The following NSD3 variants were observed in gnomAD, a reference collection of about 807,000 sequenced individuals.
NSD3 encodes nuclear receptor binding SET domain protein 3.
Under a neutral mutation model 160.8 loss-of-function variants are expected in NSD3, and 24 were observed. That is an observed-to-expected ratio of 0.15 (90% CI 0.11 to 0.21). The LOEUF (loss-of-function observed/expected upper bound fraction) is 0.21. Ranked by LOEUF, NSD3 falls within the 10% of genes least tolerant of loss-of-function variation. The probability of loss-of-function intolerance (pLI) is 1.00; values close to 1 mark genes in which losing one functional copy is unlikely to be tolerated. For synonymous variants in NSD3, 520 were observed against 600.0 expected (o/e 0.87, Z 1.95); for missense variants, 1,157 against 1,735.9 (o/e 0.67, Z 5.93).
intron 15 of NSD3, among the ~76,000 whole-genome samples, chr8:38,297,691 T>G (rs1251229852): frequency 6.6e-6 from 1 of 152,214 alleles, no homozygotes; most frequent in Non-Finnish European, 1.5e-5. Context: ...TCATCAAGAT[T>G]TTTTTTCTGG....
rs1808388370 is a variant in NSD3 at position 38,270,046 on chromosome 8, T to G, written c.*5595A>C. On this transcript the variant is annotated 3_prime_UTR_variant, in exon 24 of 24. Coordinates refer to ENST00000317025, the MANE Select transcript of NSD3 (RefSeq NM_023034.2). ...AGGCCAATCAACAAAATCCTCAAAA[T>G]ATTATATATCTTGAAGTCTATGTGG... 6.6e-6 allele frequency: 1 copy of G among 152,182 alleles called. No homozygotes were observed. Among genetic ancestry groups the G allele is most frequent in the South Asian group, 2.1e-4 (1 of 4,828 alleles). The allele number at this position is 152,182 out of a possible 1,614,324, so 9.4% of individuals were successfully genotyped here.
At chr8:38,341,579 G>A (rs749622010) in intron 2 of NSD3, among the ~76,000 whole-genome samples, 3 of 151,666 alleles carry the variant, frequency 2.0e-5, no homozygotes, top group Admixed American at 6.6e-5. Flanking sequence ...AGAATCAAAG[G>A]ACGAAGAATT....
intron 1 of NSD3, among the ~76,000 whole-genome samples, chr8:38,377,786 T>C (rs984541920): frequency 5.3e-5 from 8 of 151,890 alleles, no homozygotes; most frequent in Non-Finnish European, 8.8e-5. Flanking sequence ...ATACAAAAAT[T>C]AGCCGGCACG....
Position 38,304,526 on chromosome 8 carries a change from G to A in NSD3, c.2611+61C>T, listed in dbSNP as rs1809350209. On this transcript the variant is annotated intron_variant, in intron 14 of 23. Coordinates refer to ENST00000317025, the MANE Select transcript of NSD3 (RefSeq NM_023034.2). ...TTCTTTCCCAATGCTGAGACTCTAT[G>A]TTAATGGAGAAATATGCCAATGACC... The A allele has an allele frequency of 1.9e-6, 3 of 1,538,600 alleles. No homozygotes were observed. The South Asian group carries it at 3.7e-5, about 19-fold the overall frequency.
intron 11 of NSD3, among the ~76,000 whole-genome samples, 156 bp from the exon 12 acceptor site, chr8:38,314,929 C>T (rs1187925441): frequency 6.6e-6 from 1 of 152,206 alleles, no homozygotes; most frequent in African/African-American, 2.4e-5. Flanking sequence ...TAATATGTAT[C>T]CAGAAGATGC....
At chr8:38,337,619 TAGGTATAA>T (rs1265021260) in intron 3 of NSD3, 152 bp from the exon 4 acceptor site, 1 of 602,912 alleles carries the variant, frequency 1.7e-6, no homozygotes, top group Non-Finnish European at 2.5e-6. Context: ...AAAAAGAAAC[TAGGTATAA>T]AGTACATTAA....
intron 16 of NSD3, among the ~76,000 whole-genome samples, chr8:38,295,069 G>A (rs1489173490): frequency 6.7e-6 from 1 of 150,042 alleles, no homozygotes; most frequent in Non-Finnish European, 1.5e-5. Flanking sequence ...GCATGAACCC[G>A]GGAGCCGGAG....
At chr8:38,334,820 T>C (rs1203819765) in intron 4 of NSD3, among the ~76,000 whole-genome samples, 1 of 152,012 alleles carries the variant, frequency 6.6e-6, no homozygotes, top group African/African-American at 2.4e-5. Context: ...CAATAAAGTT[T>C]TTAAAACTAC....
intron 1 of NSD3, among the ~76,000 whole-genome samples, chr8:38,373,521 A>G (rs186560748): frequency 6.6e-6 from 1 of 152,180 alleles, no homozygotes; most frequent in Non-Finnish European, 1.5e-5. Context: ...TGTTTTTTAC[A>G]TATAGCTTTC....
At chr8:38,284,370 C>T (rs1484824221) in intron 19 of NSD3, among the ~76,000 whole-genome samples, 1 of 152,180 alleles carries the variant, frequency 6.6e-6, no homozygotes, top group African/African-American at 2.4e-5. Context: ...CATACTGTTA[C>T]TATACTTAAT....
Position 38,347,830 on chromosome 8 carries a change from T to C in NSD3, c.342A>G (p.Ser114=). The change falls in exon 2 of 24, where the codon TCA becomes TCG. Residue 114 remains serine, a synonymous_variant. Transcript: ENST00000317025. ...CATGTGGTCTTGTGTTTGGAATTTC[T>C]GAATGATAATAGTCAGTGGGGCTAA... The part of the protein sequence containing the change: ...RNFSPTDYYH[S]EIPNTRPHEI... The C allele has an allele frequency of 6.2e-7, 1 of 1,614,224 alleles. No homozygotes were observed. The highest frequency in any genetic ancestry group is 8.5e-7 in the Non-Finnish European group (1 of 1,180,044).
At chr8:38,363,124 G>A (rs1447699245) in intron 1 of NSD3, among the ~76,000 whole-genome samples, 1 of 152,226 alleles carries the variant, frequency 6.6e-6, no homozygotes, top group African/African-American at 2.4e-5. Context: ...GTTAACGAAG[G>A]TACTGCGTAC....
In NSD3 at chr8:38,288,871, T is replaced by G; in HGVS notation, c.3232-115A>C. 1 of 1,312,614 alleles carries G rather than the reference T, an allele frequency of 7.6e-7. No homozygotes were observed. Among genetic ancestry groups the G allele is most frequent in the Non-Finnish European group, 1.0e-6 (1 of 963,436 alleles). 81.3% of individuals were successfully genotyped at this position (1,312,614 alleles called of 1,614,324 possible). ...CTCGTGGTGCTACTCCGAGAAAGGT[T>G]GTCTTTCCTGATGAATAAGCTGAGA... On this transcript the variant is annotated intron_variant, in intron 18 of 23. Transcript: ENST00000317025. This position sits in a 1 kb window ranked among gnomAD's most constrained non-coding sequence, Gnocchi z 4.5.
rs1808929824 is a variant in NSD3 at position 38,288,878 on chromosome 8, C to T, written c.3232-122G>A. On this transcript the variant is annotated intron_variant, in intron 18 of 23. Transcript: ENST00000317025. The surrounding 1 kb of genome is among the most constrained non-coding windows in gnomAD (Gnocchi z 4.5). ...TGCTACTCCGAGAAAGGTTGTCTTT[C>T]CTGATGAATAAGCTGAGATTAATAA... 3.3e-6 allele frequency: 4 copies of T among 1,230,256 alleles called. 1 individual carries two copies. The South Asian group carries it at 6.0e-5, about 19-fold the overall frequency. The allele number at this position is 1,230,256 out of a possible 1,614,324, so 76.2% of individuals were successfully genotyped here. A position where few individuals can be genotyped will look rare whatever the true frequency, so the allele number is the denominator to read the frequency against.
chr8:38,367,398 T>G (rs933480153), intron 1 of NSD3, among the ~76,000 whole-genome samples: 5 of 152,160 alleles, frequency 3.3e-5, no homozygotes, highest in Admixed American at 2.0e-4. Context: ...GAAAAGAATA[T>G]ATATATATAT....
intron 16 of NSD3, among the ~76,000 whole-genome samples, chr8:38,292,191 A>G (rs905185544): frequency 2.0e-5 from 3 of 152,230 alleles, no homozygotes; most frequent in African/African-American, 7.2e-5. Flanking sequence ...ACCCTTCTCC[A>G]TGCCAGAAAG....
chr8:38,333,697 C>T (rs906622614), intron 4 of NSD3, among the ~76,000 whole-genome samples: 4 of 151,336 alleles, frequency 2.6e-5, no homozygotes, highest in Admixed American at 1.3e-4. Context: ...GAAACCCCGT[C>T]TCTACTAAAA....
intron 12 of NSD3, among the ~76,000 whole-genome samples, chr8:38,309,805 G>A (rs7841197): frequency 3.9e-5 from 6 of 152,150 alleles, no homozygotes; most frequent in Non-Finnish European, 7.4e-5. Flanking sequence ...CAGAAATCAC[G>A]TTTGACTTAA....
chr8:38,346,416 G>GTA (rs993759952), intron 2 of NSD3, among the ~76,000 whole-genome samples: 122 of 147,280 alleles, frequency 8.3e-4, no homozygotes, highest in African/African-American at 2.7e-3. Context: ...GTATATATGT[G>GTA]TATATATATA....
Sources: allele counts gnomAD v4.1 joint callset (sites outside exome capture counted in the v4.1 genomes callset), GRCh38; gene constraint gnomAD v4.1.1; non-coding constraint Gnocchi (gnomAD v3.1); transcripts MANE v1.5; gene names NCBI Gene and HGNC (gene_info 2026-07-23, HGNC 2026-07-21).